Variants in DLG2 observed in about 807,000 individuals in gnomAD.
DLG2 encodes disks large homolog 2.
DLG2 carries 45 observed loss-of-function variants against 132.5 expected under a neutral mutation model. The observed-to-expected ratio is 0.34, with a 90% CI of 0.27 to 0.44. The LOEUF (loss-of-function observed/expected upper bound fraction) is 0.44. Ranked by LOEUF, DLG2 falls within the 20% of genes least tolerant of loss-of-function variation. The pLI is 1.00. For synonymous variants in DLG2, 424 were observed against 419.6 expected (o/e 1.01, Z -0.13); for missense variants, 1,045 against 1,196.9 (o/e 0.87, Z 1.87).
chr11:83,579,736 T>G (rs2096937717), intron 19 of DLG2, among the ~76,000 whole-genome samples: 6 of 152,086 alleles, frequency 3.9e-5, no homozygotes, highest in Admixed American at 3.9e-4. Flanking sequence ...TTTGGGAGGC[T>G]GAGGCAGGCG....
intron 3 of DLG2, among the ~76,000 whole-genome samples, chr11:85,497,513 T>C (rs1346102320): frequency 2.0e-5 from 3 of 152,130 alleles, no homozygotes; most frequent in African/African-American, 7.2e-5. Flanking sequence ...TTCAGGATAT[T>C]ATCCAGGAGA....
chr11:84,531,732 T>C (rs540316518), intron 7 of DLG2, among the ~76,000 whole-genome samples: 2 of 152,292 alleles, frequency 1.3e-5, no homozygotes, highest in South Asian at 2.1e-4. Flanking sequence ...GGGCCTGCTA[T>C]TCATAGTTGG....
At chr11:84,529,720 A>G (rs567072278) in intron 7 of DLG2, among the ~76,000 whole-genome samples, 56 of 152,344 alleles carry the variant, frequency 3.7e-4, no homozygotes, top group African/African-American at 1.3e-3. Flanking sequence ...CATACTCCCT[A>G]AAGCAATTTA....
intron 18 of DLG2, among the ~76,000 whole-genome samples, chr11:83,638,717 G>A (rs925198290): frequency 9.9e-5 from 15 of 152,118 alleles, no homozygotes; most frequent in Non-Finnish European, 2.1e-4. Flanking sequence ...GCCATCAGGT[G>A]GAACTTCTCA....
intron 6 of DLG2, among the ~76,000 whole-genome samples, chr11:84,729,803 C>T (rs1297905340): frequency 6.6e-6 from 1 of 151,984 alleles, no homozygotes; most frequent in African/African-American, 2.4e-5. Flanking sequence ...ACTGCTTCCA[C>T]CTAGGCCCTA....
At chr11:83,774,642 G>C (rs1305575263) in intron 18 of DLG2, among the ~76,000 whole-genome samples, 3 of 152,016 alleles carry the variant, frequency 2.0e-5, no homozygotes, top group African/African-American at 7.3e-5. Flanking sequence ...CCCAAACTCT[G>C]TGAAGCTCTT....
intron 3 of DLG2, among the ~76,000 whole-genome samples, chr11:85,376,792 CAG>C (rs1187241551): frequency 1.3e-5 from 2 of 152,090 alleles, no homozygotes; most frequent in African/African-American, 4.8e-5. Flanking sequence ...GATAAGTAAA[CAG>C]ACTGTGGTAT....
At chr11:84,193,069 G>A (rs1053999342) in intron 8 of DLG2, among the ~76,000 whole-genome samples, 29 of 152,284 alleles carry the variant, frequency 1.9e-4, no homozygotes, top group African/African-American at 7.0e-4. Context: ...GTAGTTGATA[G>A]GTCAGTTAAT....
chr11:83,516,262 C>G lies in DLG2; in HGVS notation c.2193+16446G>C, dbSNP rs1003567829. Among the ~76,000 whole-genome samples, 23 of 152,222 alleles carry G rather than the reference C, an allele frequency of 1.5e-4. No individual in the cohort carries two copies. The East Asian group carries it at 3.9e-3, about 26-fold the overall frequency. On this transcript the variant is annotated intron_variant, in intron 21 of 27. Coordinates refer to ENST00000376104, the MANE Select transcript of DLG2 (RefSeq NM_001142699.3). ...AGTTAGCTCTTCTTGTTGAATTGAT[C>G]CCTTTACCATTATGTAATGGCCTTC...
intron 16 of DLG2, among the ~76,000 whole-genome samples, chr11:83,860,858 T>G (rs1289384436): frequency 6.6e-6 from 1 of 152,148 alleles, no homozygotes; most frequent in Non-Finnish European, 1.5e-5. Context: ...GTGCTGTTAT[T>G]GTGATAGTGA....
At chr11:84,622,900 T>G (rs1364107494) in intron 6 of DLG2, among the ~76,000 whole-genome samples, 1 of 152,078 alleles carries the variant, frequency 6.6e-6, no homozygotes, top group Non-Finnish European at 1.5e-5. Flanking sequence ...CTCTTTCAAA[T>G]CTATGCTGGA....
In DLG2 at chr11:83,925,538, T is replaced by C. The variant is rs561757958; in HGVS notation, c.1496+4790A>G. ...GTGAGATATTTAAGGGGAGAGACCA[T>C]GTTTTTTTCACCTTTGAATCCCTAA... On this transcript the variant is annotated intron_variant, in intron 15 of 27. Transcript: ENST00000376104. Among the ~76,000 whole-genome samples, 15 of 152,230 alleles carry C rather than the reference T, an allele frequency of 9.9e-5. No homozygotes were observed. In the South Asian group the frequency reaches 2.9e-3, roughly 29 times the overall value.
chr11:83,631,879 T>C (rs1424870045), intron 19 of DLG2: 1 of 152,300 alleles, frequency 6.6e-6, no homozygotes, highest in East Asian at 1.9e-4. Context: ...CTTTGTAGCA[T>C]GTAGACCAGC....
At chr11:84,715,164 T>G (rs1408843299) in intron 6 of DLG2, among the ~76,000 whole-genome samples, 2 of 152,174 alleles carry the variant, frequency 1.3e-5, no homozygotes, top group Non-Finnish European at 2.9e-5. Context: ...ATACCTGATG[T>G]GTCCTACGGG....
intron 12 of DLG2, among the ~76,000 whole-genome samples, chr11:83,978,312 G>A (rs1014671080): frequency 1.3e-5 from 2 of 151,940 alleles, no homozygotes; most frequent in Non-Finnish European, 2.9e-5. Flanking sequence ...AAACTCATAT[G>A]GAACCGTGAG....
chr11:84,831,604 T>C (rs2079061821), intron 6 of DLG2, among the ~76,000 whole-genome samples: 1 of 151,558 alleles, frequency 6.6e-6, no homozygotes, highest in South Asian at 2.1e-4. Context: ...AGGCAAAAGA[T>C]AACTTTCTCC....
intron 18 of DLG2, among the ~76,000 whole-genome samples, chr11:83,692,467 T>C (rs1233815118): frequency 1.3e-5 from 2 of 152,138 alleles, no homozygotes; most frequent in Non-Finnish European, 2.9e-5. Flanking sequence ...AGATTGATGG[T>C]GCCTAGGGCT....
intron 6 of DLG2, among the ~76,000 whole-genome samples, chr11:85,048,333 T>C (rs1254673350): frequency 6.6e-6 from 1 of 151,908 alleles, no homozygotes; most frequent in Non-Finnish European, 1.5e-5. Context: ...ATATATTCCA[T>C]ATGCAACACA....
intron 18 of DLG2, among the ~76,000 whole-genome samples, chr11:83,645,103 G>T (rs2067759442): frequency 6.6e-6 from 1 of 152,054 alleles, no homozygotes; most frequent in Non-Finnish European, 1.5e-5. Context: ...CATACATTTG[G>T]TAAGTGTAAA....
Sources: allele counts gnomAD v4.1 joint callset (sites outside exome capture counted in the v4.1 genomes callset), GRCh38; gene constraint gnomAD v4.1.1; transcripts MANE v1.5; gene names NCBI Gene and HGNC (gene_info 2026-07-23, HGNC 2026-07-21).